The following TCF25 variants were observed in gnomAD, a reference collection of about 807,000 sequenced individuals.
TCF25 encodes ribosome quality control complex subunit TCF25.
Under a neutral mutation model 83.1 loss-of-function variants are expected in TCF25, and 41 were observed. The observed-to-expected ratio is 0.49, with a 90% CI of 0.38 to 0.64. TCF25 has a LOEUF of 0.64. Among genes scored for constraint, TCF25 ranks in the 30% least tolerant of loss-of-function variants. The pLI is 0.00. For missense variants in TCF25, 979 were observed against 914.5 expected, an observed-to-expected ratio of 1.07 and a Z score of -0.91; for synonymous variants, 458 against 365.0, an observed-to-expected ratio of 1.25 and a Z score of -2.90.
chr16:89,904,859 C>T, intron 13 of TCF25, 79 bp from the exon 14 acceptor site: 1 of 1,526,250 alleles, frequency 6.6e-7, no homozygotes, highest in Non-Finnish European at 8.9e-7. Flanking sequence ...CCCGTCTGCC[C>T]ATCCATGGGG....
At chr16:89,877,088 C>T (rs914710874) in intron 1 of TCF25, among the ~76,000 whole-genome samples, 13 of 150,398 alleles carry the variant, frequency 8.6e-5, no homozygotes, top group African/African-American at 3.0e-4. Context: ...GGCAATACAG[C>T]GAGACTCTGT....
At chr16:89,898,495 G>T in intron 9 of TCF25, 62 bp from the exon 10 acceptor site, 5 of 1,555,892 alleles carry the variant, frequency 3.2e-6, no homozygotes. Context: ...TGGCCGGGGC[G>T]CTGAGCAGAG....
intron 11 of TCF25, 22 bp downstream of exon 11, chr16:89,898,894 C>T (rs1270671618): frequency 6.2e-7 from 1 of 1,606,412 alleles, no homozygotes; most frequent in African/African-American, 1.3e-5. Flanking sequence ...CCTGGTGAGG[C>T]CCCGTGGAGG....
intron 15 of TCF25, 88 bp downstream of exon 15, chr16:89,906,372 C>T (rs955449773): frequency 1.1e-4 from 143 of 1,324,182 alleles, no homozygotes; most frequent in African/African-American, 3.9e-4. Flanking sequence ...TGCAGGCGTG[C>T]GTGGTGCGGG....
intron 11 of TCF25, among the ~76,000 whole-genome samples, chr16:89,899,223 G>A (rs1410354476): frequency 1.3e-5 from 2 of 152,166 alleles, no homozygotes; most frequent in Admixed American, 6.5e-5. Flanking sequence ...AGATGCAGCC[G>A]GGAGGTAGAA....
chr16:89,886,964 A>G (rs1351485294), intron 4 of TCF25, among the ~76,000 whole-genome samples: 2 of 152,134 alleles, frequency 1.3e-5, no homozygotes, highest in Non-Finnish European at 2.9e-5. Flanking sequence ...AAATAGGAAC[A>G]AGGAGGAAAG....
In TCF25 at chr16:89,892,155, C is replaced by CAGGA. The variant is rs1365142891; in HGVS notation, c.615-35_615-32dup. The CAGGA allele has an allele frequency of 2.6e-6, 4 of 1,557,158 alleles. No homozygotes were observed. The African/African-American group carries it at 5.5e-5, about 21-fold the overall frequency. On this transcript the variant is annotated intron_variant, in intron 5 of 17. Coordinates refer to ENST00000263346, the MANE Select transcript of TCF25 (RefSeq NM_014972.3). Reference sequence around the variant, plus strand: ...GCCAAGCCTTGGTCCCCACACGCCACAGGAAGTAAAGCTGTACCTGTGTCC... The same window carrying CAGGA: ...GCCAAGCCTTGGTCCCCACACGCCACAGGAAGGAAGTAAAGCTGTACCTGTGTCC...
At chr16:89,883,768 C>CCCTCCTAGCCGACCGCGCACGTGTGTG in intron 2 of TCF25, 1 of 421,876 alleles carries the variant, frequency 2.4e-6, no homozygotes, top group South Asian at 3.2e-5. Context: ...ACACGTGTGT[C>CCCTCCTAGCCGACCGCGCACGTGTGTG]CCTCCTAGCC....
intron 8 of TCF25, among the ~76,000 whole-genome samples, chr16:89,895,747 C>T (rs112911654): frequency 3.3e-5 from 5 of 152,354 alleles, no homozygotes; most frequent in African/African-American, 9.6e-5. Flanking sequence ...TCTGTCAGGA[C>T]GTGGCAGCAG....
chr16:89,911,362 A>C lies in TCF25; in HGVS notation c.*124A>C. On this transcript the variant is annotated 3_prime_UTR_variant, in exon 18 of 18. Coordinates refer to ENST00000263346, the MANE Select transcript of TCF25 (RefSeq NM_014972.3). ...CGCTCCCTGGTCCACTGTTTCTCCT[A>C]TAAATGTAAATGGGTCACGCTCTGC... The C allele has an allele frequency of 7.8e-7, 1 of 1,285,154 alleles. No homozygotes were observed. Among genetic ancestry groups the C allele is most frequent in the Non-Finnish European group, 1.1e-6 (1 of 923,886 alleles). 79.6% of individuals were successfully genotyped at this position (1,285,154 alleles called of 1,614,324 possible). A position where few individuals can be genotyped will look rare whatever the true frequency, so the allele number is the denominator to read the frequency against.
chr16:89,892,716 GC>G (rs751680503), intron 6 of TCF25, among the ~76,000 whole-genome samples: 4 of 152,224 alleles, frequency 2.6e-5, no homozygotes, highest in Admixed American at 1.3e-4. Context: ...AAGATGAATT[GC>G]AACAGTGAAG....
At chr16:89,886,249 A>C (rs2144038668) in intron 4 of TCF25, 1 of 380,120 alleles carries the variant, frequency 2.6e-6, no homozygotes, top group East Asian at 6.5e-5. Context: ...AACATGGTGA[A>C]ACCCCCTCTC....
intron 16 of TCF25, among the ~76,000 whole-genome samples, chr16:89,908,559 C>A (rs1380746684): frequency 1.5e-5 from 2 of 136,328 alleles, no homozygotes; most frequent in Non-Finnish European, 3.2e-5. Flanking sequence ...CCTTCCAGTT[C>A]CCACCTCTTT....
At chr16:89,897,435 G>C (rs1420760373) in intron 9 of TCF25, among the ~76,000 whole-genome samples, 3 of 152,222 alleles carry the variant, frequency 2.0e-5, no homozygotes, top group African/African-American at 7.2e-5. Flanking sequence ...GGCCGCCCTG[G>C]GTTGTCTGCA....
At chr16:89,908,583 A>C (rs1597394343) in intron 16 of TCF25, among the ~76,000 whole-genome samples, 7 of 63,810 alleles carry the variant, frequency 1.1e-4, no homozygotes, top group Admixed American at 1.7e-4. Context: ...CGCAGTTCCC[A>C]CCTCCCAGCT....
intron 16 of TCF25, among the ~76,000 whole-genome samples, chr16:89,907,893 TCCC>T (rs2144311200): frequency 9.1e-6 from 1 of 110,424 alleles, no homozygotes; most frequent in African/African-American, 3.9e-5. Context: ...ACCTCCCAGC[TCCC>T]GCCTCCCACC....
intron 14 of TCF25, among the ~76,000 whole-genome samples, chr16:89,905,856 G>T (rs746210735): frequency 2.0e-5 from 3 of 152,252 alleles, no homozygotes; most frequent in African/African-American, 7.2e-5. Context: ...AGCCGTAGCA[G>T]TGACGATGGT....
At chr16:89,873,914 G>C in intron 1 of TCF25, 55 bp downstream of exon 1, 1 of 1,459,040 alleles carries the variant, frequency 6.9e-7, no homozygotes, top group South Asian at 1.4e-5. Context: ...GTTGTGGGGC[G>C]GGGCGAGCGT....
At chr16:89,907,179 C>A in intron 15 of TCF25, 64 bp from the exon 16 acceptor site, 1 of 1,526,896 alleles carries the variant, frequency 6.5e-7, no homozygotes, top group Non-Finnish European at 9.0e-7. Context: ...AAGGACTCTG[C>A]TGGGAGAGGT....
Sources: gnomAD v4.1 joint callset for allele counts (sites outside exome capture counted in the v4.1 genomes callset) on GRCh38, gnomAD v4.1.1 for gene constraint, MANE v1.5 for transcripts, NCBI Gene and HGNC (gene_info 2026-07-23, HGNC 2026-07-21) for gene names.